The following NAA25 variants were observed in gnomAD, a reference collection of about 807,000 sequenced individuals.
NAA25 encodes N-terminal acetyltransferase B complex subunit NAA25.
In NAA25, 30 loss-of-function variants were observed where a neutral mutation model predicts 132.5. That is an observed-to-expected ratio of 0.23 (90% CI 0.17 to 0.31). The LOEUF (loss-of-function observed/expected upper bound fraction) is 0.31, where lower values mean the gene tolerates loss of function less well. Among genes scored for constraint, NAA25 ranks in the 10% least tolerant of loss-of-function variants. NAA25 has a pLI of 1.00. For missense variants in NAA25, 771 were observed against 1,150.4 expected (o/e 0.67, Z 4.77); for synonymous variants, 359 against 401.9 (o/e 0.89, Z 1.28).
intron 7 of NAA25, 70 bp from the exon 8 acceptor site, chr12:112,075,859 C>T (rs2078888703): frequency 1.7e-6 from 2 of 1,208,362 alleles, no homozygotes; most frequent in Non-Finnish European, 1.2e-6. Flanking sequence ...TAGAGTCCAA[C>T]CACAAGAAGG....
intron 8 of NAA25, 150 bp from the exon 9 acceptor site, chr12:112,074,914 A>T: frequency 1.9e-6 from 1 of 520,516 alleles, no homozygotes; most frequent in Non-Finnish European, 3.5e-6. Context: ...TCCTTTGCAA[A>T]TCTAAAAGGG....
intron 11 of NAA25, among the ~76,000 whole-genome samples, chr12:112,066,083 ATAG>A (rs1472810695): frequency 6.6e-6 from 1 of 152,212 alleles, no homozygotes; most frequent in African/African-American, 2.4e-5. Context: ...GGTCATCTGA[ATAG>A]ACGATTCTTA....
At chr12:112,074,938 A>C (rs901603569) in intron 8 of NAA25, among the ~76,000 whole-genome samples, 174 bp from the exon 9 acceptor site, 2 of 152,166 alleles carry the variant, frequency 1.3e-5, no homozygotes, top group African/African-American at 4.8e-5. Context: ...TTTCAAAGTA[A>C]TACTACTTTG....
intron 2 of NAA25, among the ~76,000 whole-genome samples, chr12:112,092,802 T>A (rs2079155591): frequency 6.6e-6 from 1 of 151,604 alleles, no homozygotes; most frequent in Non-Finnish European, 1.5e-5. Context: ...CTCAGCCTAC[T>A]GAGTAGCTGG....
intron 20 of NAA25, 58 bp downstream of exon 20, chr12:112,041,981 C>T (rs943350063): frequency 1.1e-5 from 12 of 1,044,108 alleles, no homozygotes; most frequent in East Asian, 2.9e-5. Context: ...GAAAGAACTT[C>T]GAAGCTATTG....
intron 22 of NAA25, among the ~76,000 whole-genome samples, chr12:112,037,301 TA>T (rs2078237035): frequency 8.2e-6 from 1 of 121,552 alleles, no homozygotes; most frequent in Non-Finnish European, 1.8e-5. Context: ...TATATATATA[TA>T]TATATATATA....
chr12:112,065,021 C>T (rs1054586384), intron 11 of NAA25, among the ~76,000 whole-genome samples: 4 of 151,178 alleles, frequency 2.6e-5, no homozygotes, highest in African/African-American at 4.9e-5. Flanking sequence ...GCAAGAAGAG[C>T]GAAACTTGTC....
At chr12:112,054,149 T>C (rs1194205800) in intron 14 of NAA25, among the ~76,000 whole-genome samples, 1 of 152,218 alleles carries the variant, frequency 6.6e-6, no homozygotes, top group Non-Finnish European at 1.5e-5. Context: ...GTTCAAAGTA[T>C]ATAGGTGTTT....
chr12:112,045,743 C>T (rs762037263), intron 17 of NAA25, among the ~76,000 whole-genome samples: 14 of 151,914 alleles, frequency 9.2e-5, no homozygotes, highest in African/African-American at 1.2e-4. Context: ...TGCAGTGAGC[C>T]GAGATCATGC....
chr12:112,091,797 G>A (rs1273212451), intron 2 of NAA25, among the ~76,000 whole-genome samples: 3 of 152,120 alleles, frequency 2.0e-5, no homozygotes, highest in Non-Finnish European at 4.4e-5. Flanking sequence ...AGAAGGCCAA[G>A]GCTGTAGTGA....
intron 4 of NAA25, among the ~76,000 whole-genome samples, chr12:112,085,297 C>G (rs1415685027): frequency 6.6e-6 from 1 of 151,044 alleles, no homozygotes; most frequent in Admixed American, 6.6e-5. Flanking sequence ...GAGGCAGAGG[C>G]AGGAGAATCT....
rs2078116425 is a variant in NAA25, at chr12:112,029,017, T to C, written c.*514A>G. On this transcript the variant is annotated 3_prime_UTR_variant, in exon 24 of 24. Transcript: ENST00000261745. ...TCCTTTGTGTACCTGCCTTGGGTTC[T>C]GTGGGAGCCAAGTAGCTGAGAAAGC... 1 of 156,620 alleles carries C rather than the reference T, an allele frequency of 6.4e-6. No individual in the cohort carries two copies. The highest frequency in any genetic ancestry group is 1.4e-5 in the Non-Finnish European group (1 of 70,704). The allele number at this position is 156,620 out of a possible 1,614,324, so 9.7% of individuals were successfully genotyped here.
At chr12:112,068,356 C>G (rs899860722) in intron 11 of NAA25, among the ~76,000 whole-genome samples, 1 of 151,974 alleles carries the variant, frequency 6.6e-6, no homozygotes, top group Non-Finnish European at 1.5e-5. Flanking sequence ...ATCTTGACTA[C>G]GGTAATAGTC....
intron 13 of NAA25, among the ~76,000 whole-genome samples, chr12:112,059,305 A>T (rs972701855): frequency 5.9e-5 from 9 of 151,862 alleles, no homozygotes; most frequent in Admixed American, 3.9e-4. Context: ...CTGTGAAATG[A>T]TCCATGAGGG....
chr12:112,038,264 T>A (rs994594544), intron 22 of NAA25, among the ~76,000 whole-genome samples: 2 of 152,210 alleles, frequency 1.3e-5, no homozygotes, highest in Non-Finnish European at 2.9e-5. Context: ...TCTGCCCGTC[T>A]CGGCCTCCCA....
At chr12:112,073,750 T>C (rs2078851146) in intron 9 of NAA25, among the ~76,000 whole-genome samples, 1 of 151,880 alleles carries the variant, frequency 6.6e-6, no homozygotes, top group Non-Finnish European at 1.5e-5. Context: ...TTCATTTAAC[T>C]CTAGATGCCT....
chr12:112,049,607 A>G lies in NAA25; in HGVS notation c.1729-1164T>C, dbSNP rs2078433345. 5 of 985,672 alleles carry G rather than the reference A, an allele frequency of 5.1e-6. No homozygotes were observed. Among genetic ancestry groups the G allele is most frequent in the Middle Eastern group, 5.2e-4 (1 of 1,936 alleles). The allele number at this position is 985,672 out of a possible 1,614,324, so 61.1% of individuals were successfully genotyped here. ...ACACCTCGGCGAGCTGTTTGCCTGC[A>G]GTATCTGGAGAAATTAAAGACGGAC... On this transcript the variant is annotated intron_variant, in intron 15 of 23. Transcript: ENST00000261745. This position sits in a 1 kb window ranked among gnomAD's most constrained non-coding sequence, Gnocchi z 4.7.
intron 1 of NAA25, among the ~76,000 whole-genome samples, chr12:112,106,068 C>T (rs947292635): frequency 6.6e-6 from 1 of 152,194 alleles, no homozygotes; most frequent in South Asian, 2.1e-4. Flanking sequence ...TGCTTAAGTG[C>T]TGAATTCACG....
chr12:112,039,117 A>G, intron 22 of NAA25, 112 bp downstream of exon 22: 1 of 534,594 alleles, frequency 1.9e-6, no homozygotes, highest in Non-Finnish European at 3.2e-6. Context: ...CATGGGTTGG[A>G]GAAGCTTGGC....
Sources: gnomAD v4.1 joint callset for allele counts (sites outside exome capture counted in the v4.1 genomes callset) on GRCh38, gnomAD v4.1.1 for gene constraint, Gnocchi (gnomAD v3.1) non-coding constraint, MANE v1.5 for transcripts, NCBI Gene and HGNC (gene_info 2026-07-23, HGNC 2026-07-21) for gene names.